Variants in MEAF6 observed in about 807,000 individuals in gnomAD.
The protein encoded by MEAF6 is chromatin modification-related protein MEAF6.
A neutral mutation model predicts 28.9 loss-of-function variants in MEAF6; 15 were observed. The observed-to-expected ratio is 0.52, with a 90% confidence interval of 0.35 to 0.80. The LOEUF is 0.80. Among genes scored for constraint, MEAF6 ranks in the 30% least tolerant of loss-of-function variants. MEAF6 has a pLI of 0.01. For synonymous variants in MEAF6, 97 were observed against 88.7 expected (o/e 1.09, Z -0.53); for missense variants, 178 against 237.5 (o/e 0.75, Z 1.65).
In MEAF6 at chr1:37,493,908, A is replaced by C. The variant is rs1642026840; in HGVS notation, c.*191T>G. On this transcript the variant is annotated 3_prime_UTR_variant, in exon 7 of 7. Transcript: ENST00000296214. ...TCTGTTACTAAAAATGACATAAAGT[A>C]AGACCCAATGTCTTACAGAAATGAC... 3.6e-5 allele frequency: 58 copies of C among 1,589,190 alleles called. 1 individual carries two copies. In the South Asian group the frequency reaches 6.1e-4, roughly 17 times the overall value.
Position 37,495,702 on chromosome 1 carries a change from A to C in MEAF6, c.567+183T>G, listed in dbSNP as rs1157632031. Among the ~76,000 whole-genome samples the C allele has an allele frequency of 3.3e-4, 37 of 113,536 alleles. 3 individuals are homozygous for C. The highest frequency in any genetic ancestry group is 3.1e-3 in the South Asian group (12 of 3,924). The allele number at this position is 113,536 out of a possible 152,430, so 74.5% of individuals were successfully genotyped here. On this transcript the variant is annotated intron_variant, in intron 6 of 6. Transcript: ENST00000296214. ...TGTCTCTCAAAAAAAAAAAACAAAA[A>C]ACAAAAAAAAAAAAAAACAAAAAAA... is the stretch of plus-strand genomic sequence containing the variant.
chr1:37,509,451 T>C lies in MEAF6; in HGVS notation c.294+4A>G, dbSNP rs752774826. ...AGAAAGATTCCCCCACCACCACTACTTACAGCTGCTGAGGTAACCGAGGAT... is the reference window on the plus strand; with the variant it reads ...AGAAAGATTCCCCCACCACCACTACCTACAGCTGCTGAGGTAACCGAGGAT... On this transcript the variant is annotated splice_donor_region_variant and intron_variant, in intron 3 of 6. Coordinates refer to ENST00000296214, the MANE Select transcript of MEAF6 (RefSeq NM_001270875.3). 6.2e-7 allele frequency: 1 copy of C among 1,613,792 alleles called. No individual in the cohort carries two copies. Among genetic ancestry groups the C allele is most frequent in the East Asian group, 2.2e-5 (1 of 44,882 alleles).
At position 37,511,400 on chromosome 1, in the gene MEAF6, C is replaced by T. The variant is rs1642666138; in HGVS notation, c.207-1858G>A. ...ATACAATTAGAGAATCACTATTTTACAACTTCCAGTGTACTAACGGATTCA... is the reference window on the plus strand; with the variant it reads ...ATACAATTAGAGAATCACTATTTTATAACTTCCAGTGTACTAACGGATTCA... On this transcript the variant is annotated intron_variant, in intron 2 of 6. Transcript: ENST00000296214. Among the ~76,000 whole-genome samples the T allele has an allele frequency of 5.3e-5, 8 of 152,320 alleles. No individual in the cohort carries two copies. In the South Asian group the frequency reaches 1.7e-3, roughly 32 times the overall value.
chr1:37,509,660 C>A, intron 2 of MEAF6, 118 bp from the exon 3 acceptor site: 1 of 802,920 alleles, frequency 1.2e-6, no homozygotes, highest in South Asian at 1.8e-5. Context: ...CTGGCCCAAA[C>A]GACCTTTATG....
intron 6 of MEAF6, among the ~76,000 whole-genome samples, 177 bp downstream of exon 6, chr1:37,495,708 A>AC (rs1557603934): frequency 1.1e-4 from 13 of 120,968 alleles, no homozygotes; most frequent in Admixed American, 1.6e-4. Context: ...AAAAAACAAA[A>AC]AAAAAAAAAA....
At chr1:37,514,531 C>T in intron 1 of MEAF6, 126 bp downstream of exon 1, 1 of 613,828 alleles carries the variant, frequency 1.6e-6, no homozygotes, top group Non-Finnish European at 2.4e-6. Flanking sequence ...CCTCAGGCCG[C>T]CGAGCACCCG....
chr1:37,495,714 AAAAAAC>A (rs1278400431), intron 6 of MEAF6, among the ~76,000 whole-genome samples, 165 bp downstream of exon 6: 27 of 133,746 alleles, frequency 2.0e-4, no homozygotes, highest in African/African-American at 6.6e-4. Flanking sequence ...CAAAAAAAAA[AAAAAAC>A]AAAAAAACCA....
chr1:37,512,216 T>C (rs1227601424), intron 2 of MEAF6, among the ~76,000 whole-genome samples: 2 of 152,210 alleles, frequency 1.3e-5, no homozygotes, highest in Non-Finnish European at 2.9e-5. Context: ...GAACTATATA[T>C]ATACATTGTA....
chr1:37,509,175 G>T, intron 4 of MEAF6, 103 bp downstream of exon 4: 2 of 1,034,120 alleles, frequency 1.9e-6, no homozygotes, highest in Non-Finnish European at 3.0e-6. Flanking sequence ...AAAGGGAAGA[G>T]CATAAGAAAT....
chr1:37,495,258 G>A (rs1239198512), intron 6 of MEAF6, among the ~76,000 whole-genome samples: 1 of 151,744 alleles, frequency 6.6e-6, no homozygotes, highest in Non-Finnish European at 1.5e-5. Flanking sequence ...TTGAACCTGG[G>A]AGGCGGAGGT....
At chr1:37,504,315 T>C (rs974820265) in intron 4 of MEAF6, among the ~76,000 whole-genome samples, 10 of 150,828 alleles carry the variant, frequency 6.6e-5, no homozygotes, top group Non-Finnish European at 1.3e-4. Flanking sequence ...CAGTCTCAGA[T>C]ATTTCTTTAT....
At chr1:37,506,534 G>A (rs1248244450) in intron 4 of MEAF6, among the ~76,000 whole-genome samples, 4 of 151,958 alleles carry the variant, frequency 2.6e-5, no homozygotes, top group Admixed American at 6.6e-5. Flanking sequence ...ACCACGTCCA[G>A]CTACTTTTGT....
rs1187975142 is a variant in MEAF6, at chr1:37,492,839, GT to G, written c.*1259del. ...TTAAACCATTCAGTCTTCTAATGTA[GT>G]GGTTCTCAACCTGGCTTCTTATCAG... is the stretch of plus-strand genomic sequence containing the variant. On this transcript the variant is annotated 3_prime_UTR_variant, in exon 7 of 7. Transcript: ENST00000296214. 6.6e-6 allele frequency: 1 copy of G among 152,312 alleles called. No homozygotes were observed. The highest frequency in any genetic ancestry group is 2.4e-5 in the African/African-American group (1 of 41,452). The allele number at this position is 152,312 out of a possible 1,614,324, so 9.4% of individuals were successfully genotyped here.
chr1:37,502,615 CT>C (rs35429238), intron 4 of MEAF6, among the ~76,000 whole-genome samples: 11,753 of 109,638 alleles, frequency 0.11, 554 homozygotes, highest in South Asian at 0.15. Flanking sequence ...CCTCGTAAGT[CT>C]TTTTTTTTTT....
chr1:37,500,519 T>C lies in MEAF6; in HGVS notation c.533+1285A>G, dbSNP rs183353570. 5.0e-3 allele frequency among the ~76,000 whole-genome samples: 758 copies of C among 152,314 alleles called. 6 individuals carry two copies. Among genetic ancestry groups the C allele is most frequent in the South Asian group, 0.014 (67 of 4,826 alleles). On this transcript the variant is annotated intron_variant, in intron 5 of 6. Transcript: ENST00000296214. Reference sequence around the variant, plus strand: ...CAATTTTTGCTAATTCTTACTACAGTTATGCGATTAGGATGGTGACTTCTG... The same window carrying C: ...CAATTTTTGCTAATTCTTACTACAGCTATGCGATTAGGATGGTGACTTCTG...
chr1:37,493,753 C>T lies in MEAF6; in HGVS notation c.*346G>A, dbSNP rs776792685. 845 of 1,543,274 alleles carry T rather than the reference C, an allele frequency of 5.5e-4. 3 individuals are homozygous for T. Among genetic ancestry groups the T allele is most frequent in the Non-Finnish European group, 6.6e-4 (754 of 1,141,066 alleles). ...TTCAGCATAAAACAAAACCAGAGAACATTTCTTGAAGGGTATCACAGATGA... is the reference window on the plus strand; with the variant it reads ...TTCAGCATAAAACAAAACCAGAGAATATTTCTTGAAGGGTATCACAGATGA... On this transcript the variant is annotated 3_prime_UTR_variant, in exon 7 of 7. Transcript: ENST00000296214.
intron 2 of MEAF6, among the ~76,000 whole-genome samples, chr1:37,511,233 G>C (rs1642659908): frequency 6.6e-6 from 1 of 152,090 alleles, no homozygotes; most frequent in African/African-American, 2.4e-5. Context: ...AAAGTAATAG[G>C]GTCATGTTGA....
intron 4 of MEAF6, among the ~76,000 whole-genome samples, chr1:37,503,716 C>T (rs1642388582): frequency 6.7e-6 from 1 of 149,930 alleles, no homozygotes. Context: ...GTAATCCCAG[C>T]ACTTTGGGAG....
rs1394673712 is a variant in MEAF6, at chr1:37,507,353, A to G, written c.340+1925T>C. Among the ~76,000 whole-genome samples, 4 of 151,816 alleles carry G rather than the reference A, an allele frequency of 2.6e-5. 1 individual carries two copies. Among genetic ancestry groups the G allele is most frequent in the Admixed American group, 6.6e-5 (1 of 15,212 alleles). Reference sequence around the variant, plus strand: ...AAAAAAAGAAAGAAAACTAAGTCAGATATCATTCCATCTCAACTCACAGGA... The same window carrying G: ...AAAAAAAGAAAGAAAACTAAGTCAGGTATCATTCCATCTCAACTCACAGGA... On this transcript the variant is annotated intron_variant, in intron 4 of 6. Transcript: ENST00000296214.
Sources: gnomAD v4.1 joint callset for allele counts (sites outside exome capture counted in the v4.1 genomes callset) on GRCh38, gnomAD v4.1.1 for gene constraint, MANE v1.5 for transcripts, NCBI Gene and HGNC (gene_info 2026-07-23, HGNC 2026-07-21) for gene names.